The following MSR1 variants were observed in gnomAD, a reference collection of about 807,000 sequenced individuals.
The protein encoded by MSR1 is macrophage scavenger receptor types I and II.
MSR1 carries 53 observed loss-of-function variants against 47.2 expected under a neutral mutation model. That is an observed-to-expected ratio of 1.12 (90% confidence interval 0.90 to 1.41). The LOEUF (loss-of-function observed/expected upper bound fraction) is 1.41, where lower values mean the gene tolerates loss of function less well. Among genes scored for constraint, MSR1 ranks in the 40% most tolerant of loss-of-function variants. MSR1 has a pLI of 0.00. For missense variants in MSR1, 786 were observed against 546.9 expected (o/e 1.44, Z -4.36); for synonymous variants, 239 against 185.6 (o/e 1.29, Z -2.34).
chr8:16,172,919 C>T (rs549700164), intron 3 of MSR1, among the ~76,000 whole-genome samples: 1 of 152,176 alleles, frequency 6.6e-6, no homozygotes, highest in South Asian at 2.1e-4. Context: ...ATTCTGTCTA[C>T]ATTTGTAATT....
At position 16,120,439 on chromosome 8, in the gene MSR1, T is replaced by C; in HGVS notation, c.1201A>G (p.Lys401Glu). 14 of 1,613,828 alleles carry C rather than the reference T, an allele frequency of 8.7e-6. No individual in the cohort carries two copies. The highest frequency in any genetic ancestry group is 1.3e-5 in the African/African-American group (1 of 74,972). Reference protein sequence around the residue: ...LGYPGVQAVHKAAHFGQGTGP... With the variant: ...LGYPGVQAVHEAAHFGQGTGP... The stretch of plus-strand genomic sequence containing the variant: ...TTACCTTGTCCAAAGTGAGCTGCCT[T>C]GTGCACGGCTTGAACACCTGGGTAT... Residue 401 changes from lysine (K) to glutamate (E), a missense_variant, in exon 9 of 10, where the codon AAG becomes GAG. By Grantham distance (56) the Lys-to-Glu change is moderately conservative. Transcript: ENST00000262101.
At position 16,108,504 on chromosome 8, in the gene MSR1, T is replaced by C. The variant is rs1418703455; in HGVS notation, c.*1581A>G. 1 of 152,096 alleles carries C rather than the reference T, an allele frequency of 6.6e-6. No homozygotes were observed. Among genetic ancestry groups the C allele is most frequent in the Non-Finnish European group, 1.5e-5 (1 of 67,988 alleles). The allele number at this position is 152,096 out of a possible 1,614,324, so 9.4% of individuals were successfully genotyped here. A position where few individuals can be genotyped will look rare whatever the true frequency, so the allele number is the denominator to read the frequency against. On this transcript the variant is annotated 3_prime_UTR_variant, in exon 10 of 10. Transcript: ENST00000262101. ...AACAGGCTGATAATGCAAATGATTC[T>C]TTCAGAAACCATTGTATTTACCTTT...
At chr8:16,185,257 G>C (rs917509544) in intron 1 of MSR1, among the ~76,000 whole-genome samples, 2 of 151,888 alleles carry the variant, frequency 1.3e-5, no homozygotes, top group East Asian at 3.9e-4. Context: ...CAGTCTCTCT[G>C]AGAATCTCAT....
intron 9 of MSR1, among the ~76,000 whole-genome samples, chr8:16,114,289 A>C (rs1405362798): frequency 2.0e-5 from 3 of 152,130 alleles, no homozygotes; most frequent in Non-Finnish European, 4.4e-5. Flanking sequence ...AGTGGTAATA[A>C]AAAAGCAAAG....
chr8:16,163,596 A>G (rs1451322951), intron 5 of MSR1, among the ~76,000 whole-genome samples: 6 of 151,660 alleles, frequency 4.0e-5, no homozygotes, highest in Admixed American at 3.3e-4. Flanking sequence ...GTAAGATCCA[A>G]TTCACCTTAT....
intron 3 of MSR1, among the ~76,000 whole-genome samples, chr8:16,170,776 C>T (rs933730853): frequency 2.6e-5 from 4 of 152,088 alleles, no homozygotes; most frequent in Admixed American, 6.5e-5. Context: ...CTAGAATCTT[C>T]CTACACTCCT....
At chr8:16,146,303 C>A (rs1453131408) in intron 7 of MSR1, among the ~76,000 whole-genome samples, 2 of 151,946 alleles carry the variant, frequency 1.3e-5, no homozygotes, top group Admixed American at 6.6e-5. Flanking sequence ...TTTCCTCTGT[C>A]TTCAGCCACT....
intron 1 of MSR1, among the ~76,000 whole-genome samples, chr8:16,184,810 T>A (rs1801947649): frequency 6.6e-6 from 1 of 152,166 alleles, no homozygotes; most frequent in Non-Finnish European, 1.5e-5. Flanking sequence ...TGATTTATTT[T>A]TTTTTAGCAT....
At chr8:16,139,574 A>G in intron 8 of MSR1, 1 of 978,720 alleles carries the variant, frequency 1.0e-6, no homozygotes, top group African/African-American at 1.8e-5. Flanking sequence ...GTAGAGAGAA[A>G]CCAAAAATAT....
At position 16,158,624 on chromosome 8, in the gene MSR1, GCTT is replaced by G. The variant is rs1231169122; in HGVS notation, c.818-3483_818-3481del. Among the ~76,000 whole-genome samples the G allele has an allele frequency of 3.3e-5, 5 of 151,550 alleles. No individual in the cohort carries two copies. The South Asian group carries it at 6.3e-4, about 19-fold the overall frequency. Reference sequence around the variant, plus strand: ...TTCTAGTCTATTGCTGCCTAAACCTGCTTCTTTTTTTTTTCTCTAGTTTTCATG... The same window carrying G: ...TTCTAGTCTATTGCTGCCTAAACCTGCTTTTTTTTTTCTCTAGTTTTCATG... On this transcript the variant is annotated intron_variant, in intron 5 of 9. Transcript: ENST00000262101.
chr8:16,151,438 T>A lies in MSR1; in HGVS notation c.899-1127A>T, dbSNP rs183596821. Among the ~76,000 whole-genome samples the A allele has an allele frequency of 1.8e-4, 28 of 152,292 alleles. No individual in the cohort carries two copies. In the East Asian group the frequency reaches 5.4e-3, roughly 29 times the overall value. On this transcript the variant is annotated intron_variant, in intron 6 of 9. Transcript: ENST00000262101. ...TGGAGATGGTTAAGCAGACTCTATATGGCCTATGGAGTTATGTGACTTGTT... is the reference window on the plus strand; with the variant it reads ...TGGAGATGGTTAAGCAGACTCTATAAGGCCTATGGAGTTATGTGACTTGTT...
intron 4 of MSR1, among the ~76,000 whole-genome samples, chr8:16,166,378 G>C (rs1193548153): frequency 1.3e-5 from 2 of 151,228 alleles, no homozygotes; most frequent in Admixed American, 1.3e-4. Context: ...GGCCAGACTG[G>C]TCTCGAACTC....
intron 9 of MSR1, among the ~76,000 whole-genome samples, chr8:16,111,270 C>T (rs547296811): frequency 9.2e-5 from 14 of 152,066 alleles, no homozygotes; most frequent in Non-Finnish European, 1.5e-4. Context: ...AGGAGGAAGC[C>T]GAAGTACGAG....
chr8:16,168,092 T>A (rs1037084564), intron 4 of MSR1, among the ~76,000 whole-genome samples: 3 of 152,098 alleles, frequency 2.0e-5, no homozygotes, highest in Admixed American at 6.5e-5. Context: ...TCTAAGCATA[T>A]CAAATATGTC....
intron 9 of MSR1, 25 bp downstream of exon 9, chr8:16,120,393 C>T: frequency 6.2e-7 from 1 of 1,612,050 alleles, no homozygotes; most frequent in African/African-American, 1.3e-5. Flanking sequence ...CAACAACAAA[C>T]CTCACAAGAT....
intron 1 of MSR1, among the ~76,000 whole-genome samples, chr8:16,190,723 C>CTTTTTTTTTTTTTTTTTTTTTTT (rs772816603): frequency 1.4e-5 from 2 of 145,306 alleles, no homozygotes; most frequent in African/African-American, 5.4e-5. Flanking sequence ...TTTTTTCTTT[C>CTTTTTTTTTTTTTTTTTTTTTTT]TTTCTTTTTG....
chr8:16,166,664 C>G (rs35525373), intron 4 of MSR1, among the ~76,000 whole-genome samples: 548 of 152,178 alleles, frequency 3.6e-3, no homozygotes, highest in Middle Eastern at 0.014. Flanking sequence ...GTCGTACAGT[C>G]CTTTTCACCT....
intron 8 of MSR1, among the ~76,000 whole-genome samples, chr8:16,134,575 C>A (rs559084992): frequency 6.6e-6 from 1 of 152,198 alleles, no homozygotes; most frequent in African/African-American, 2.4e-5. Context: ...TTCCCTGAGA[C>A]ACAGCAATAT....
intron 4 of MSR1, among the ~76,000 whole-genome samples, chr8:16,165,333 C>A (rs1012251326): frequency 4.6e-5 from 7 of 152,028 alleles, no homozygotes; most frequent in Middle Eastern, 3.2e-3. Flanking sequence ...AGGTACATAG[C>A]AAATCATTAT....
Sources: gnomAD v4.1 joint callset for allele counts (sites outside exome capture counted in the v4.1 genomes callset) on GRCh38, gnomAD v4.1.1 for gene constraint, MANE v1.5 for transcripts, NCBI Gene and HGNC (gene_info 2026-07-23, HGNC 2026-07-21) for gene names.